The following HIBCH variants were observed in gnomAD, a reference collection of about 807,000 sequenced individuals.
HIBCH encodes the protein 3-hydroxyisobutyryl-CoA hydrolase, mitochondrial.
Under a neutral mutation model 58.2 loss-of-function variants are expected in HIBCH, and 50 were observed. The ratio of observed to expected loss-of-function variants is 0.86; its 90% confidence interval spans 0.68 to 1.09. The LOEUF (loss-of-function observed/expected upper bound fraction) is 1.09, where lower values mean the gene tolerates loss of function less well. HIBCH is among the 50% of genes least tolerant of loss of function. The probability of loss-of-function intolerance (pLI) is 0.00; values close to 1 mark genes in which losing one functional copy is unlikely to be tolerated. For missense variants in HIBCH, 450 were observed against 449.7 expected (o/e 1.00, Z -0.01); for synonymous variants, 151 against 146.9 (o/e 1.03, Z -0.20).
intron 11 of HIBCH, among the ~76,000 whole-genome samples, chr2:190,229,346 A>G (rs1172867881): frequency 2.0e-5 from 3 of 152,236 alleles, no homozygotes; most frequent in African/African-American, 7.2e-5. Flanking sequence ...CTTATCTCCT[A>G]TCCAACTCAA....
chr2:190,203,537 T>C (rs994139908), downstream of HIBCH: 1 of 157,742 alleles, frequency 6.3e-6, no homozygotes, highest in African/African-American at 2.4e-5. Context: ...AGTGTGTACT[T>C]TGAATTTTTT....
intron 12 of HIBCH, 29 bp from the exon 13 acceptor site, chr2:190,208,942 T>A: frequency 1.2e-6 from 2 of 1,605,990 alleles, no homozygotes; most frequent in South Asian, 1.1e-5. Flanking sequence ...TAAATGGGGA[T>A]AATTTCTGGG....
chr2:190,199,254 G>A (rs1388142225), downstream of HIBCH, among the ~76,000 whole-genome samples: 1 of 152,176 alleles, frequency 6.6e-6, no homozygotes, highest in African/African-American at 2.4e-5. Flanking sequence ...TTTAAGCTTT[G>A]TGGGCCACAT....
At chr2:190,223,207 C>T (rs984735958) in intron 11 of HIBCH, among the ~76,000 whole-genome samples, 2 of 152,084 alleles carry the variant, frequency 1.3e-5, no homozygotes, top group African/African-American at 2.4e-5. Context: ...CACCAGGGCA[C>T]ATGTATACCT....
chr2:190,252,856 C>T (rs925311728), intron 7 of HIBCH, among the ~76,000 whole-genome samples: 33 of 152,124 alleles, frequency 2.2e-4, no homozygotes, highest in African/African-American at 7.5e-4. Context: ...CTTTTCTTAA[C>T]CATCAGTATT....
In HIBCH at chr2:190,294,560, C is replaced by T. The variant is rs775828747; in HGVS notation, c.290G>A (p.Gly97Glu). The T allele has an allele frequency of 1.2e-6, 2 of 1,611,852 alleles. No homozygotes were observed. Among genetic ancestry groups the T allele is most frequent in the Admixed American group, 3.3e-5 (2 of 59,994 alleles). ...AAAGTCTTTACCTCTGATATCACCC[C>T]CGGCACAGAAAGCCTTTCCTCCTGC... is the stretch of plus-strand genomic sequence containing the variant. Reference protein sequence around the residue: ...KGAGGKAFCAGGDIRVISEAE... With the variant: ...KGAGGKAFCAEGDIRVISEAE... The change falls in exon 4 of 14, where the codon GGG (glycine) becomes GAG (glutamate). Residue 97 changes from glycine to glutamate, a missense_variant. Gly to Glu is a moderately conservative substitution (Grantham distance 98, BLOSUM62 -2). Coordinates refer to ENST00000359678, the MANE Select transcript of HIBCH (RefSeq NM_014362.4).
At chr2:190,303,749 G>A (rs1688330353) in intron 2 of HIBCH, among the ~76,000 whole-genome samples, 1 of 151,996 alleles carries the variant, frequency 6.6e-6, no homozygotes, top group Non-Finnish European at 1.5e-5. Context: ...AGCATGAAAG[G>A]GAAAAATAGC....
intron 11 of HIBCH, among the ~76,000 whole-genome samples, chr2:190,223,074 G>A (rs1241598441): frequency 6.6e-6 from 1 of 152,134 alleles, no homozygotes; most frequent in Non-Finnish European, 1.5e-5. Flanking sequence ...TGAACAATAA[G>A]AACACATGGA....
chr2:190,209,062 ACT>A lies in HIBCH; in HGVS notation c.1012-151_1012-150del, dbSNP rs1022671338. On this transcript the variant is annotated intron_variant, in intron 12 of 13. Transcript: ENST00000359678. This position sits in a 1 kb window ranked among gnomAD's most constrained non-coding sequence, Gnocchi z 5.6. ...GAGACTGAACCACCTCTGATAGCCCACTCTCTGATCACCACCTCCTAAATCTT... is the reference window on the plus strand; with the variant it reads ...GAGACTGAACCACCTCTGATAGCCCACTCTGATCACCACCTCCTAAATCTT... 2.0e-5 allele frequency: 14 copies of A among 715,318 alleles called. No individual in the cohort carries two copies. In the African/African-American group the frequency reaches 2.4e-4, roughly 12 times the overall value. 44.3% of individuals were successfully genotyped at this position (715,318 alleles called of 1,614,324 possible). A position where few individuals can be genotyped will look rare whatever the true frequency, so the allele number is the denominator to read the frequency against.
chr2:190,191,481 G>GT (rs1227598249), intron 1 of HIBCH, among the ~76,000 whole-genome samples: 1 of 152,172 alleles, frequency 6.6e-6, no homozygotes, highest in African/African-American at 2.4e-5. Flanking sequence ...AAATTTTCAT[G>GT]TATCTAGGGT....
At chr2:190,302,613 G>A (rs1004877599) in intron 2 of HIBCH, among the ~76,000 whole-genome samples, 4 of 152,192 alleles carry the variant, frequency 2.6e-5, no homozygotes, top group African/African-American at 9.7e-5. Flanking sequence ...GCTGGTTTCT[G>A]TTTAACTCTT....
rs553354115 is a variant in HIBCH at position 190,210,907 on chromosome 2, C to T, written c.1012-1994G>A. ...TCTGGTCATCCCATCTACAATTCAT[C>T]CCCCTGTTACTCTATATCACATATC... On this transcript the variant is annotated intron_variant, in intron 12 of 13. Coordinates refer to ENST00000359678, the MANE Select transcript of HIBCH (RefSeq NM_014362.4). This position sits in a 1 kb window ranked among gnomAD's most constrained non-coding sequence, Gnocchi z 5.5. 6.6e-5 allele frequency among the ~76,000 whole-genome samples: 10 copies of T among 152,264 alleles called. No homozygotes were observed. The highest frequency in any genetic ancestry group is 2.4e-4 in the African/African-American group (10 of 41,530).
intron 11 of HIBCH, among the ~76,000 whole-genome samples, chr2:190,224,884 C>T (rs114300649): frequency 1.3e-5 from 2 of 152,030 alleles, no homozygotes; most frequent in African/African-American, 4.8e-5. Flanking sequence ...AAGTTGCACT[C>T]CTCAGCAAAT....
At chr2:190,239,324 T>C (rs996456627) in intron 11 of HIBCH, among the ~76,000 whole-genome samples, 1 of 152,214 alleles carries the variant, frequency 6.6e-6, no homozygotes, top group African/African-American at 2.4e-5. Flanking sequence ...TTGGTCTATA[T>C]ATCTGTTTTG....
chr2:190,231,310 T>C (rs1686088885), intron 11 of HIBCH, among the ~76,000 whole-genome samples: 1 of 152,196 alleles, frequency 6.6e-6, no homozygotes, highest in Non-Finnish European at 1.5e-5. Context: ...GAAGTTTTCT[T>C]AGGACACAGA....
At chr2:190,235,328 G>T (rs1686237798) in intron 11 of HIBCH, among the ~76,000 whole-genome samples, 1 of 152,132 alleles carries the variant, frequency 6.6e-6, no homozygotes, top group Non-Finnish European at 1.5e-5. Context: ...ATTCCTTATG[G>T]GTGGCATACG....
At chr2:190,286,855 C>A (rs898711990) in intron 6 of HIBCH, among the ~76,000 whole-genome samples, 1 of 112,368 alleles carries the variant, frequency 8.9e-6, no homozygotes. Context: ...ATCTCTAATA[C>A]TGAATTTAAA....
In HIBCH at chr2:190,217,456, C is replaced by G. The variant is rs1394438583; in HGVS notation, c.892-4381G>C. ...TTGAGATCACACACTGCACTCCAGC[C>G]TGGGCGACAGAACGAGATTCTGTCT... On this transcript the variant is annotated intron_variant, in intron 11 of 13. Coordinates refer to ENST00000359678, the MANE Select transcript of HIBCH (RefSeq NM_014362.4). This position sits in a 1 kb window ranked among gnomAD's most constrained non-coding sequence, Gnocchi z 4.6. Among the ~76,000 whole-genome samples, 1 of 152,098 alleles carries G rather than the reference C, an allele frequency of 6.6e-6. No homozygotes were observed. The highest frequency in any genetic ancestry group is 2.4e-5 in the African/African-American group (1 of 41,408).
chr2:190,209,673 T>G lies in HIBCH; in HGVS notation c.1012-760A>C, dbSNP rs1237495377. Among the ~76,000 whole-genome samples the G allele has an allele frequency of 6.6e-6, 1 of 152,154 alleles. No individual in the cohort carries two copies. Among genetic ancestry groups the G allele is most frequent in the African/African-American group, 2.4e-5 (1 of 41,434 alleles). On this transcript the variant is annotated intron_variant, in intron 12 of 13. Transcript: ENST00000359678. This position sits in a 1 kb window ranked among gnomAD's most constrained non-coding sequence, Gnocchi z 5.6. ...TTCAATGCCGTGGAGGAAAGGACCATCCCTTTTTCAAAGACCAGTCCTCCC... is the reference window on the plus strand; with the variant it reads ...TTCAATGCCGTGGAGGAAAGGACCAGCCCTTTTTCAAAGACCAGTCCTCCC...
Sources: gnomAD v4.1 joint callset for allele counts (sites outside exome capture counted in the v4.1 genomes callset) on GRCh38, gnomAD v4.1.1 for gene constraint, Gnocchi (gnomAD v3.1) non-coding constraint, MANE v1.5 for transcripts, NCBI Gene and HGNC (gene_info 2026-07-23, HGNC 2026-07-21) for gene names.